Variants in ACYP2 observed in about 807,000 individuals in gnomAD.
ACYP2 encodes the protein acylphosphatase-2.
In ACYP2, 12 loss-of-function variants were observed where a neutral mutation model predicts 11.2. The ratio of observed to expected loss-of-function variants is 1.08; its 90% CI spans 0.69 to 1.74. ACYP2 has a LOEUF of 1.74. Ranked by LOEUF, ACYP2 falls within the 40% of genes most tolerant of loss-of-function variation. The pLI, the probability that ACYP2 is intolerant of heterozygous loss-of-function variation, is 0.00. For missense variants in ACYP2, 134 were observed against 101.9 expected (o/e 1.31, Z -1.35); for synonymous variants, 43 against 32.2 (o/e 1.33, Z -1.13).
chr2:54,094,072 G>A lies in ACYP2; in HGVS notation c.277+36712G>A, dbSNP rs2103686768. On this transcript the variant is annotated intron_variant, in intron 4 of 6. Coordinates refer to ENST00000607452, the MANE Select transcript of ACYP2 (RefSeq NM_001320586.2). ...TCCTACTTAGGAGAATGAAGTACAT[G>A]TTAGAGATACTGGCAATGTACAAAA... Among the ~76,000 whole-genome samples the A allele has an allele frequency of 1.3e-5, 2 of 152,298 alleles. 1 individual carries two copies. The highest frequency in any genetic ancestry group is 4.1e-4 in the South Asian group (2 of 4,832).
Position 54,025,918 on chromosome 2 carries a change from A to G in ACYP2, c.63-25040A>G, listed in dbSNP as rs143227312. On this transcript the variant is annotated intron_variant, in intron 2 of 6. Coordinates refer to ENST00000607452, the MANE Select transcript of ACYP2 (RefSeq NM_001320586.2). Reference sequence around the variant, plus strand: ...TTGAGACTGAGGTCAGGAATTTGAGAGCAGCCTGGCCAACATGGTGAAACC... The same window carrying G: ...TTGAGACTGAGGTCAGGAATTTGAGGGCAGCCTGGCCAACATGGTGAAACC... 2.3e-3 allele frequency among the ~76,000 whole-genome samples: 357 copies of G among 152,320 alleles called. 2 individuals are homozygous for G. The highest frequency in any genetic ancestry group is 8.1e-3 in the African/African-American group (338 of 41,562).
At chr2:54,245,205 C>T (rs545030430) in intron 6 of ACYP2, among the ~76,000 whole-genome samples, 1 of 152,124 alleles carries the variant, frequency 6.6e-6, no homozygotes, top group Non-Finnish European at 1.5e-5. Context: ...GCAGGAATCA[C>T]AGGATTTCAT....
intron 6 of ACYP2, among the ~76,000 whole-genome samples, chr2:54,197,740 G>A (rs13413198): frequency 0.012 from 1,902 of 152,226 alleles, 37 homozygotes; most frequent in African/African-American, 0.044. Flanking sequence ...AAGGCTAGTG[G>A]GGTGGAAGGC....
chr2:54,287,511 T>C (rs1689128500), intron 6 of ACYP2, among the ~76,000 whole-genome samples: 1 of 151,950 alleles, frequency 6.6e-6, no homozygotes, highest in East Asian at 1.9e-4. Flanking sequence ...TCATAGAATG[T>C]GTTAGAGGTG....
chr2:54,003,692 T>C (rs570402389), intron 2 of ACYP2, among the ~76,000 whole-genome samples: 1 of 152,362 alleles, frequency 6.6e-6, no homozygotes, highest in Admixed American at 6.5e-5. Flanking sequence ...AAAACTGCTA[T>C]TAATATCTAT....
intron 6 of ACYP2, among the ~76,000 whole-genome samples, chr2:54,233,685 T>C (rs1572970017): frequency 6.6e-6 from 1 of 152,142 alleles, no homozygotes; most frequent in Admixed American, 6.5e-5. Context: ...TGATCTACTT[T>C]CTGTCACTAC....
intron 6 of ACYP2, among the ~76,000 whole-genome samples, chr2:54,290,473 TC>T (rs1408333307): frequency 1.3e-5 from 2 of 151,998 alleles, no homozygotes; most frequent in Non-Finnish European, 2.9e-5. Context: ...CTCACTTTGT[TC>T]CCAGCAGGAT....
chr2:54,106,600 A>T (rs545270557), intron 4 of ACYP2, among the ~76,000 whole-genome samples: 2 of 150,002 alleles, frequency 1.3e-5, no homozygotes, highest in African/African-American at 4.9e-5. Context: ...CAAATTTTTG[A>T]GATGGAGTCT....
chr2:54,200,743 A>G (rs1684719557), intron 6 of ACYP2, among the ~76,000 whole-genome samples: 1 of 152,150 alleles, frequency 6.6e-6, no homozygotes, highest in South Asian at 2.1e-4. Context: ...GTGTGTACAT[A>G]TGTTATTTGT....
At chr2:54,156,858 C>T (rs1010395971) in intron 6 of ACYP2, among the ~76,000 whole-genome samples, 1 of 152,026 alleles carries the variant, frequency 6.6e-6, no homozygotes, top group East Asian at 1.9e-4. Context: ...AGTAGAAATG[C>T]GGTTTCACCA....
intron 6 of ACYP2, among the ~76,000 whole-genome samples, chr2:54,258,283 A>T (rs1466326849): frequency 6.6e-6 from 1 of 152,216 alleles, no homozygotes; most frequent in Non-Finnish European, 1.5e-5. Context: ...CCTCATTGAA[A>T]ATATGAGATT....
At chr2:54,014,961 ATAT>A (rs1673598674) in intron 2 of ACYP2, among the ~76,000 whole-genome samples, 1 of 152,016 alleles carries the variant, frequency 6.6e-6, no homozygotes, top group South Asian at 2.1e-4. Context: ...TTCTACTTCA[ATAT>A]TATATTGTAG....
At chr2:54,113,756 G>A (rs1312680795) in intron 4 of ACYP2, among the ~76,000 whole-genome samples, 2 of 152,132 alleles carry the variant, frequency 1.3e-5, no homozygotes, top group Non-Finnish European at 2.9e-5. Flanking sequence ...AAGAGAAGAG[G>A]TTCTTTGTTT....
At chr2:54,119,522 G>T (rs954856857) in intron 4 of ACYP2, among the ~76,000 whole-genome samples, 4 of 152,168 alleles carry the variant, frequency 2.6e-5, no homozygotes, top group African/African-American at 9.7e-5. Flanking sequence ...GATTGATAAA[G>T]TCATCATTAA....
At chr2:54,058,532 T>C (rs1376540771) in intron 4 of ACYP2, among the ~76,000 whole-genome samples, 1 of 152,138 alleles carries the variant, frequency 6.6e-6, no homozygotes, top group Non-Finnish European at 1.5e-5. Flanking sequence ...CAATATCGAG[T>C]ATTTACATTA....
intron 6 of ACYP2, among the ~76,000 whole-genome samples, chr2:54,186,823 A>AT (rs986636675): frequency 1.3e-5 from 2 of 152,106 alleles, no homozygotes; most frequent in Non-Finnish European, 2.9e-5. Flanking sequence ...CAATAGTGTT[A>AT]TTTTTAAACT....
chr2:54,109,559 G>C (rs1679346091), intron 4 of ACYP2, among the ~76,000 whole-genome samples: 1 of 151,828 alleles, frequency 6.6e-6, no homozygotes, highest in East Asian at 1.9e-4. Context: ...AACCTATTGA[G>C]ATAAAACATA....
At chr2:54,179,680 A>G (rs1421786848) in intron 6 of ACYP2, among the ~76,000 whole-genome samples, 1 of 152,044 alleles carries the variant, frequency 6.6e-6, no homozygotes, top group Non-Finnish European at 1.5e-5. Context: ...AATGAGGATG[A>G]CCAGAGGTCA....
chr2:54,044,742 C>T (rs964053028), intron 2 of ACYP2, among the ~76,000 whole-genome samples: 1 of 152,144 alleles, frequency 6.6e-6, no homozygotes, highest in African/African-American at 2.4e-5. Flanking sequence ...TGCATGACAC[C>T]ACCATTTTTT....
Sources: allele counts gnomAD v4.1 joint callset (sites outside exome capture counted in the v4.1 genomes callset), GRCh38; gene constraint gnomAD v4.1.1; transcripts MANE v1.5; gene names NCBI Gene and HGNC (gene_info 2026-07-23, HGNC 2026-07-21).